Variants in NHSL2 observed in about 807,000 individuals in gnomAD.
NHSL2 encodes the protein NHS-like protein 2.
Under a neutral mutation model 53.4 loss-of-function variants are expected in NHSL2, and 27 were observed. The ratio of observed to expected loss-of-function variants is 0.51; its 90% CI spans 0.37 to 0.70. NHSL2 has a LOEUF of 0.70. NHSL2 is among the 30% of genes least tolerant of loss of function. The pLI, the probability that NHSL2 is intolerant of heterozygous loss-of-function variation, is 0.00. For missense variants in NHSL2, 892 were observed against 980.1 expected, an observed-to-expected ratio of 0.91 and a Z score of 1.20; for synonymous variants, 408 against 404.1, an observed-to-expected ratio of 1.01 and a Z score of -0.12.
At chrX:72,088,348 G>T (rs1176741686) in intron 1 of NHSL2, among the ~76,000 whole-genome samples, 1 of 112,549 alleles carries the variant, frequency 8.9e-6, no homozygotes, top group East Asian at 2.7e-4. Flanking sequence ...AAAATCATTT[G>T]CAACTTCTCC....
At chrX:72,063,749 A>G (rs1260849409) in intron 1 of NHSL2, among the ~76,000 whole-genome samples, 2 of 111,218 alleles carry the variant, frequency 1.8e-5, no homozygotes, top group African/African-American at 3.3e-5. Flanking sequence ...AAGATCATCC[A>G]TGTATTTCTA....
intron 1 of NHSL2, among the ~76,000 whole-genome samples, chrX:72,062,067 G>A (rs142136771): frequency 1.2e-4 from 14 of 112,549 alleles, no homozygotes; most frequent in African/African-American, 4.2e-4. Context: ...GCCCAGCACA[G>A]GGCCTAATAT....
chrX:71,961,431 T>G, intron 1 of NHSL2, among the ~76,000 whole-genome samples: 1 of 84,734 alleles, frequency 1.2e-5, no homozygotes, highest in East Asian at 4.3e-4. Context: ...TCTCCCTCCC[T>G]TCCTCCCTTC....
chrX:72,065,576 G>A lies in NHSL2; in HGVS notation c.281-66503G>A, dbSNP rs762053744. Among the ~76,000 whole-genome samples the A allele has an allele frequency of 5.4e-5, 6 of 111,459 alleles. No individual in the cohort carries two copies. In the East Asian group the frequency reaches 1.4e-3, roughly 26 times the overall value. On this transcript the variant is annotated intron_variant, in intron 1 of 7. Transcript: ENST00000633930. ...GGGTTTGGGAACAGCAGGTAGAGGC[G>A]GTGAGAGGGGATGGGAAGCACTGTT...
At chrX:72,095,950 T>C (rs1206249334) in intron 1 of NHSL2, among the ~76,000 whole-genome samples, 2 of 111,116 alleles carry the variant, frequency 1.8e-5, no homozygotes, top group African/African-American at 6.6e-5. Flanking sequence ...AAGTGTCTAC[T>C]ACATGCCAGG....
rs2042396496 is a variant in NHSL2 at position 72,139,781 on chromosome X, C to T, written c.2233C>T (p.Arg745Cys). 4 of 1,211,080 alleles carry T rather than the reference C, an allele frequency of 3.3e-6. No homozygotes were observed. Among genetic ancestry groups the T allele is most frequent in the Non-Finnish European group, 4.5e-6 (4 of 895,113 alleles). Reference sequence around the variant, plus strand: ...CCCTCCAAGCAGCAGTGTCCGGGTACGTCCAGTGGTACCTGAGAGGAAGTC... The same window carrying T: ...CCCTCCAAGCAGCAGTGTCCGGGTATGTCCAGTGGTACCTGAGAGGAAGTC... ...LPPPSSSVRV[R>C]PVVPERKSSL... The change falls in exon 6 of 8, where the codon CGT becomes TGT. Residue 745 changes from arginine to cysteine, a missense_variant. Coordinates refer to ENST00000633930, the MANE Select transcript of NHSL2 (RefSeq NM_001013627.3).
intron 1 of NHSL2, among the ~76,000 whole-genome samples, chrX:71,913,486 A>C (rs2041614088): frequency 8.9e-6 from 1 of 112,068 alleles, no homozygotes; most frequent in Non-Finnish European, 1.9e-5. Context: ...ATAAATGAAC[A>C]TTGTCATGTC....
chrX:71,916,203 T>A (rs1053571964), intron 1 of NHSL2, among the ~76,000 whole-genome samples: 1 of 111,897 alleles, frequency 8.9e-6, no homozygotes, highest in African/African-American at 3.3e-5. Flanking sequence ...CACACCTGCA[T>A]CCTGACTATT....
At chrX:72,034,182 A>G (rs2042229814) in intron 1 of NHSL2, among the ~76,000 whole-genome samples, 1 of 111,973 alleles carries the variant, frequency 8.9e-6, no homozygotes, top group Non-Finnish European at 1.9e-5. Flanking sequence ...TTATATGGTT[A>G]TTCTTCTTTA....
In NHSL2 at chrX:71,943,477, G is replaced by A. The variant is rs998221629; in HGVS notation, c.280+32110G>A. Among the ~76,000 whole-genome samples the A allele has an allele frequency of 7.1e-5, 8 of 112,678 alleles. No individual in the cohort carries two copies. The East Asian group carries it at 8.4e-4, about 12-fold the overall frequency. ...CAGCCTAACAGTATCTGCACATATCGCCTGTTTCCCTTCTAGGACCCATCT... is the reference window on the plus strand; with the variant it reads ...CAGCCTAACAGTATCTGCACATATCACCTGTTTCCCTTCTAGGACCCATCT... On this transcript the variant is annotated intron_variant, in intron 1 of 7. Coordinates refer to ENST00000633930, the MANE Select transcript of NHSL2 (RefSeq NM_001013627.3).
chrX:72,123,527 C>A (rs2042197623), intron 1 of NHSL2, among the ~76,000 whole-genome samples: 1 of 111,187 alleles, frequency 9.0e-6, no homozygotes, highest in Non-Finnish European at 1.9e-5. Flanking sequence ...GGAGGAAGGG[C>A]TGAACTGTGG....
Position 72,000,354 on chromosome X carries a change from G to T in NHSL2, c.280+88987G>T, listed in dbSNP as rs535013063. Among the ~76,000 whole-genome samples the T allele has an allele frequency of 1.2e-4, 13 of 112,222 alleles. No individual in the cohort carries two copies. The South Asian group carries it at 4.0e-3, about 35-fold the overall frequency. ...ATATTAAGGCTAAGAGAGGTTAAAT[G>T]ACTAGACTAAGGTCAAGTATTGGTA... On this transcript the variant is annotated intron_variant, in intron 1 of 7. Coordinates refer to ENST00000633930, the MANE Select transcript of NHSL2 (RefSeq NM_001013627.3).
At chrX:72,123,382 AG>A (rs1223313313) in intron 1 of NHSL2, among the ~76,000 whole-genome samples, 1 of 111,989 alleles carries the variant, frequency 8.9e-6, no homozygotes, top group Non-Finnish European at 1.9e-5. Context: ...AGAGCCATTG[AG>A]GGGTTTTGTA....
In NHSL2 at chrX:72,006,066, G is replaced by A. The variant is rs182446395; in HGVS notation, c.280+94699G>A. On this transcript the variant is annotated intron_variant, in intron 1 of 7. Transcript: ENST00000633930. ...GAGGTAGAGAAAGTAGGCCCCAGTG[G>A]TATCTCTTCTCTGCCTCCTCATTTC... 4.5e-5 allele frequency among the ~76,000 whole-genome samples: 5 copies of A among 111,840 alleles called. No individual in the cohort carries two copies. In the East Asian group the frequency reaches 1.1e-3, roughly 25 times the overall value.
At chrX:71,968,612 C>A (rs965083772) in intron 1 of NHSL2, among the ~76,000 whole-genome samples, 2 of 111,251 alleles carry the variant, frequency 1.8e-5, no homozygotes, top group South Asian at 7.5e-4. Flanking sequence ...ATTGCCTAAC[C>A]CAATATCATG....
chrX:71,992,222 C>A (rs1259618460), intron 1 of NHSL2, among the ~76,000 whole-genome samples: 2 of 112,560 alleles, frequency 1.8e-5, no homozygotes, highest in African/African-American at 6.5e-5. Context: ...CCTGTGGAGC[C>A]AAATGGCTGC....
chrX:71,977,079 C>T (rs1186993964), intron 1 of NHSL2, among the ~76,000 whole-genome samples: 1 of 111,496 alleles, frequency 9.0e-6, no homozygotes, highest in East Asian at 2.8e-4. Flanking sequence ...CTTTTTGGCT[C>T]CTTTTGTAAC....
At chrX:71,990,253 G>A (rs2042021647) in intron 1 of NHSL2, among the ~76,000 whole-genome samples, 1 of 111,878 alleles carries the variant, frequency 8.9e-6, no homozygotes, top group African/African-American at 3.3e-5. Flanking sequence ...GAGTCAAGAG[G>A]TCAAAAGGCC....
intron 1 of NHSL2, among the ~76,000 whole-genome samples, chrX:72,100,638 A>G (rs1308096517): frequency 8.9e-6 from 1 of 111,807 alleles, no homozygotes; most frequent in African/African-American, 3.3e-5. Flanking sequence ...TTAGATTCTC[A>G]TAGGAGCAGG....
Sources: gnomAD v4.1 joint callset for allele counts (sites outside exome capture counted in the v4.1 genomes callset) on GRCh38, gnomAD v4.1.1 for gene constraint, MANE v1.5 for transcripts, NCBI Gene and HGNC (gene_info 2026-07-23, HGNC 2026-07-21) for gene names.